Variants in KCNT2 observed in about 807,000 individuals in gnomAD.
KCNT2 encodes potassium channel subfamily T member 2.
A neutral mutation model predicts 153.8 loss-of-function variants in KCNT2; 67 were observed. That is an observed-to-expected ratio of 0.44 (90% CI 0.36 to 0.53). The LOEUF is 0.53. Ranked by LOEUF, KCNT2 falls within the 20% of genes least tolerant of loss-of-function variation. The pLI, the probability that KCNT2 is intolerant of heterozygous loss-of-function variation, is 0.00. For synonymous variants in KCNT2, 500 were observed against 458.8 expected (o/e 1.09, Z -1.15); for missense variants, 975 against 1,354.8 (o/e 0.72, Z 4.40).
At chr1:196,544,595 G>A (rs1656829146) in intron 1 of KCNT2, among the ~76,000 whole-genome samples, 1 of 152,106 alleles carries the variant, frequency 6.6e-6, no homozygotes, top group African/African-American at 2.4e-5. Flanking sequence ...AGGATGAAAG[G>A]GCAATATGGG....
rs1491150244 is a variant in KCNT2, at chr1:196,261,018, AAT to A, written c.2911-2526_2911-2525del. On this transcript the variant is annotated intron_variant, in intron 25 of 27. Coordinates refer to ENST00000294725, the MANE Select transcript of KCNT2 (RefSeq NM_198503.5). Reference sequence around the variant, plus strand: ...TTATTACTCTATTTGTTGGATATTGAATGTGTGTGTGTGTTTGTGTGTGTGTG... The same window carrying A: ...TTATTACTCTATTTGTTGGATATTGAGTGTGTGTGTGTTTGTGTGTGTGTG... 4.6e-5 allele frequency among the ~76,000 whole-genome samples: 7 copies of A among 151,698 alleles called. No individual in the cohort carries two copies. The East Asian group carries it at 1.4e-3, about 29-fold the overall frequency.
Position 196,452,656 on chromosome 1 carries a change from G to A in KCNT2, c.638+12637C>T, listed in dbSNP as rs566071296. Among the ~76,000 whole-genome samples, 38 of 152,040 alleles carry A rather than the reference G, an allele frequency of 2.5e-4. 1 individual carries two copies. In the South Asian group the frequency reaches 7.5e-3, roughly 30 times the overall value. ...AGCACAGAGGCACTATTGGCAGACT[G>A]GAATACAGAAGGAAGAGTGTTAGTC... On this transcript the variant is annotated intron_variant, in intron 8 of 27. Coordinates refer to ENST00000294725, the MANE Select transcript of KCNT2 (RefSeq NM_198503.5).
At chr1:196,292,700 G>C (rs1255394816) in intron 22 of KCNT2, among the ~76,000 whole-genome samples, 2 of 151,784 alleles carry the variant, frequency 1.3e-5, no homozygotes, top group Non-Finnish European at 1.5e-5. Flanking sequence ...CCAGCTACTC[G>C]GGAGGCTGAG....
intron 14 of KCNT2, among the ~76,000 whole-genome samples, chr1:196,360,079 C>T (rs1042885224): frequency 1.3e-5 from 2 of 152,004 alleles, no homozygotes; most frequent in African/African-American, 4.8e-5. Flanking sequence ...TTTAATGAGT[C>T]TGCCTAGGAA....
chr1:196,484,708 TA>T (rs1471078375), intron 3 of KCNT2, among the ~76,000 whole-genome samples: 3 of 152,082 alleles, frequency 2.0e-5, no homozygotes, highest in Admixed American at 2.0e-4. Flanking sequence ...TTGTATAAGG[TA>T]TAAGGAAGGG....
chr1:196,493,103 A>G (rs1223527075), intron 1 of KCNT2, among the ~76,000 whole-genome samples: 2 of 152,172 alleles, frequency 1.3e-5, no homozygotes, highest in Non-Finnish European at 2.9e-5. Flanking sequence ...TAATATTTTC[A>G]AAATACTAAG....
chr1:196,341,582 T>A (rs1007511199), intron 15 of KCNT2, among the ~76,000 whole-genome samples: 4 of 152,018 alleles, frequency 2.6e-5, no homozygotes, highest in African/African-American at 9.6e-5. Flanking sequence ...TTTTACTTCT[T>A]AAGTAAATCC....
chr1:196,545,359 T>G (rs1286657833), intron 1 of KCNT2, among the ~76,000 whole-genome samples: 1 of 151,944 alleles, frequency 6.6e-6, no homozygotes, highest in Non-Finnish European at 1.5e-5. Flanking sequence ...CACCATGAAG[T>G]AGATCACCAG....
chr1:196,272,659 G>T (rs987972175), intron 25 of KCNT2, among the ~76,000 whole-genome samples: 1 of 151,814 alleles, frequency 6.6e-6, no homozygotes, highest in African/African-American at 2.4e-5. Flanking sequence ...AGCGATTAAC[G>T]CCCCAAGGTG....
intron 22 of KCNT2, among the ~76,000 whole-genome samples, 197 bp from the exon 23 acceptor site, chr1:196,285,955 C>A (rs1355857764): frequency 6.6e-6 from 1 of 151,964 alleles, no homozygotes; most frequent in Admixed American, 6.6e-5. Context: ...AGTTAAAACA[C>A]CCAATAGTGA....
At chr1:196,334,577 C>T (rs1160019855) in intron 16 of KCNT2, among the ~76,000 whole-genome samples, 5 of 146,406 alleles carry the variant, frequency 3.4e-5, no homozygotes, top group Admixed American at 7.0e-5. Flanking sequence ...CAGGTTCAAG[C>T]GCCCCCTTTT....
chr1:196,439,215 G>A (rs548183285), intron 8 of KCNT2, among the ~76,000 whole-genome samples: 25 of 151,900 alleles, frequency 1.6e-4, no homozygotes, highest in Non-Finnish European at 2.5e-4. Context: ...GAACACTGCC[G>A]CAGAATAAAA....
intron 14 of KCNT2, among the ~76,000 whole-genome samples, chr1:196,366,345 GA>G (rs1478838133): frequency 1.3e-5 from 2 of 151,844 alleles, no homozygotes; most frequent in African/African-American, 4.8e-5. Flanking sequence ...TTTTAGTAGA[GA>G]TGGGGTTTCT....
chr1:196,342,059 T>C lies in KCNT2; in HGVS notation c.1553+20A>G. 1 of 1,590,018 alleles carries C rather than the reference T, an allele frequency of 6.3e-7. No individual in the cohort carries two copies. The highest frequency in any genetic ancestry group is 8.6e-7 in the Non-Finnish European group (1 of 1,168,324). ...CTTGACTGATTGATATTTTAATTTT[T>C]CTCTGAGGCAGAAACATACTTTTTG... On this transcript the variant is annotated intron_variant, in intron 15 of 27. Transcript: ENST00000294725.
chr1:196,295,817 A>G (rs969922177), intron 22 of KCNT2, among the ~76,000 whole-genome samples: 3 of 152,086 alleles, frequency 2.0e-5, no homozygotes, highest in Non-Finnish European at 4.4e-5. Context: ...GGAAGGCTAT[A>G]AATTTAAAGA....
chr1:196,404,797 C>G (rs995903939), intron 12 of KCNT2, among the ~76,000 whole-genome samples: 25 of 151,614 alleles, frequency 1.6e-4, no homozygotes. Context: ...CCTAGCTTAT[C>G]CCCAGAACCT....
At chr1:196,329,877 A>ATGTG (rs1214055522) in intron 18 of KCNT2, among the ~76,000 whole-genome samples, 1 of 123,452 alleles carries the variant, frequency 8.1e-6, no homozygotes. Context: ...ATATACACTT[A>ATGTG]TATGTGTGTG....
At chr1:196,604,180 A>C (rs1173069091) in intron 1 of KCNT2, among the ~76,000 whole-genome samples, 1 of 152,220 alleles carries the variant, frequency 6.6e-6, no homozygotes, top group East Asian at 1.9e-4. Flanking sequence ...AATGGTGCAG[A>C]ATCTTCTTGA....
chr1:196,399,247 T>TTTTC (rs1671215841), intron 12 of KCNT2, among the ~76,000 whole-genome samples: 1 of 151,568 alleles, frequency 6.6e-6, no homozygotes, highest in Non-Finnish European at 1.5e-5. Context: ...CACGAACTCC[T>TTTTC]TTACATAGTA....
Sources: allele counts gnomAD v4.1 joint callset (sites outside exome capture counted in the v4.1 genomes callset), GRCh38; gene constraint gnomAD v4.1.1; transcripts MANE v1.5; gene names NCBI Gene and HGNC (gene_info 2026-07-23, HGNC 2026-07-21).